The following KCNMA1 variants were observed in gnomAD, a reference collection of about 807,000 sequenced individuals.
KCNMA1 encodes the protein potassium calcium-activated channel subfamily M alpha 1.
KCNMA1 carries 29 observed loss-of-function variants against 140.0 expected under a neutral mutation model. The observed-to-expected ratio is 0.21, with a 90% confidence interval of 0.15 to 0.28. The LOEUF is 0.28. Among genes scored for constraint, KCNMA1 ranks in the 10% least tolerant of loss-of-function variants. The pLI is 1.00. For missense variants in KCNMA1, 880 were observed against 1,602.2 expected, an observed-to-expected ratio of 0.55 and a Z score of 7.70; for synonymous variants, 612 against 611.9, an observed-to-expected ratio of 1.00 and a Z score of 0.00.
Position 76,914,997 on chromosome 10 carries a change from G to A in KCNMA1, c.2955C>T (p.His985=), listed in dbSNP as rs373428657. ...DRSSPDNSPV[H]GMLRQPSITT... is the part of the protein sequence containing the mutation. ...TGATGGATGGTTGACGTAACATCCC[G>A]TGCACTGGGCTGTTATCTGGAGAGG... The change falls in exon 24 of 28, where the codon CAC becomes CAT. Residue 985 remains histidine, a synonymous_variant. Transcript: ENST00000286628. 4.8e-5 allele frequency: 77 copies of A among 1,613,620 alleles called. No homozygotes were observed. The highest frequency in any genetic ancestry group is 6.2e-5 in the Non-Finnish European group (73 of 1,179,622).
At position 77,259,528 on chromosome 10, in the gene KCNMA1, C is replaced by T. The variant is rs77959026; in HGVS notation, c.541-8272G>A. ...AAAATCCTTGACAGAGTCCACAAGG[C>T]CCTGAAAGCTCTGGTCTTTTCCTCC... On this transcript the variant is annotated intron_variant, in intron 2 of 27. Transcript: ENST00000286628. Among the ~76,000 whole-genome samples the T allele has an allele frequency of 7.9e-4, 120 of 152,262 alleles. 1 individual carries two copies. In the East Asian group the frequency reaches 0.019, roughly 23 times the overall value.
At chr10:77,366,478 T>G (rs191400557) in intron 2 of KCNMA1, among the ~76,000 whole-genome samples, 2 of 152,300 alleles carry the variant, frequency 1.3e-5, no homozygotes, top group Admixed American at 1.3e-4. Context: ...CACATGTGCT[T>G]TTTAACATTT....
intron 1 of KCNMA1, among the ~76,000 whole-genome samples, chr10:77,529,253 T>C (rs2056918411): frequency 7.0e-6 from 1 of 143,854 alleles, no homozygotes; most frequent in East Asian, 2.1e-4. Context: ...CCTGCACCAC[T>C]CTGCCTGTGG....
At chr10:77,411,854 C>T (rs376642907) in intron 1 of KCNMA1, among the ~76,000 whole-genome samples, 49 of 152,294 alleles carry the variant, frequency 3.2e-4, no homozygotes, top group African/African-American at 9.9e-4. Context: ...TGGAAATGAG[C>T]GTGGCCAAGC....
intron 1 of KCNMA1, among the ~76,000 whole-genome samples, chr10:77,450,333 G>A (rs567668594): frequency 6.6e-6 from 1 of 152,322 alleles, no homozygotes; most frequent in East Asian, 1.9e-4. Flanking sequence ...TGGGAGTACA[G>A]GCGTGAGCCG....
intron 1 of KCNMA1, among the ~76,000 whole-genome samples, chr10:77,624,963 C>T (rs539838385): frequency 6.6e-6 from 1 of 151,936 alleles, no homozygotes. Context: ...AGAACGCCAC[C>T]GTAAAGAACA....
chr10:77,319,990 A>T (rs11002117), intron 2 of KCNMA1, among the ~76,000 whole-genome samples: 39,714 of 152,192 alleles, frequency 0.26, 6,547 homozygotes, highest in Non-Finnish European at 0.38. Flanking sequence ...AAGCAGAACA[A>T]TTCTGCTTTG....
intron 1 of KCNMA1, among the ~76,000 whole-genome samples, chr10:77,443,631 G>T (rs1054835141): frequency 6.6e-6 from 1 of 152,142 alleles, no homozygotes; most frequent in African/African-American, 2.4e-5. Flanking sequence ...CCACTTCCTA[G>T]CTAGGTCAAC....
intron 1 of KCNMA1, among the ~76,000 whole-genome samples, chr10:77,558,072 G>A (rs911193515): frequency 2.0e-5 from 3 of 152,062 alleles, no homozygotes; most frequent in Non-Finnish European, 4.4e-5. Context: ...TGAACTGAAG[G>A]ATTTGCAAAT....
At chr10:77,572,199 T>C (rs1421453346) in intron 1 of KCNMA1, among the ~76,000 whole-genome samples, 1 of 152,126 alleles carries the variant, frequency 6.6e-6, no homozygotes, top group African/African-American at 2.4e-5. Context: ...TTTTACCCTA[T>C]ACACACATGA....
chr10:76,938,182 G>A (rs1335491262), intron 23 of KCNMA1, among the ~76,000 whole-genome samples: 1 of 152,102 alleles, frequency 6.6e-6, no homozygotes, highest in African/African-American at 2.4e-5. Flanking sequence ...CATGAGCAAT[G>A]GGCCAGATTG....
At chr10:76,901,676 TAGTC>T (rs1355071212) in intron 25 of KCNMA1, 2 of 152,222 alleles carry the variant, frequency 1.3e-5, no homozygotes, top group Admixed American at 1.3e-4. Flanking sequence ...TACAATTTCA[TAGTC>T]AGTCCCAGGG....
At chr10:77,537,929 G>T (rs1490031001) in intron 1 of KCNMA1, among the ~76,000 whole-genome samples, 1 of 151,996 alleles carries the variant, frequency 6.6e-6, no homozygotes, top group East Asian at 1.9e-4. Context: ...TGATGGATGG[G>T]CAGGCTGCTG....
intron 2 of KCNMA1, among the ~76,000 whole-genome samples, chr10:77,372,592 T>A (rs1186693135): frequency 1.3e-5 from 2 of 152,192 alleles, no homozygotes; most frequent in Non-Finnish European, 2.9e-5. Flanking sequence ...TTGGTGCAAT[T>A]GTTTGCCCAC....
chr10:77,569,457 A>T (rs1269884519), intron 1 of KCNMA1, among the ~76,000 whole-genome samples: 1 of 140,582 alleles, frequency 7.1e-6, no homozygotes, highest in Non-Finnish European at 1.6e-5. Flanking sequence ...CTGATCTTTG[A>T]CAAACCTGAC....
At chr10:76,896,244 A>T (rs529871506) in intron 25 of KCNMA1, among the ~76,000 whole-genome samples, 69 of 152,300 alleles carry the variant, frequency 4.5e-4, no homozygotes, top group Admixed American at 1.9e-3. Flanking sequence ...GTTGTTAATT[A>T]TTAATATTCC....
At chr10:77,559,097 T>C (rs2670108) in intron 1 of KCNMA1, among the ~76,000 whole-genome samples, 138,647 of 152,196 alleles carry the variant, frequency 0.91, 63,290 homozygotes, top group Middle Eastern at 0.97. Flanking sequence ...CATGTGGTTG[T>C]GTTCAGACAT....
intron 14 of KCNMA1, among the ~76,000 whole-genome samples, chr10:77,042,748 T>C (rs1426081983): frequency 6.6e-6 from 1 of 152,206 alleles, no homozygotes; most frequent in Admixed American, 6.5e-5. Context: ...AATTTTATTG[T>C]AGGTGAATCA....
intron 1 of KCNMA1, among the ~76,000 whole-genome samples, chr10:77,617,610 G>A (rs1332500916): frequency 8.5e-5 from 13 of 152,242 alleles, no homozygotes; most frequent in African/African-American, 3.1e-4. Context: ...GAAAACCCTG[G>A]GTTCTAATGC....
Sources: allele counts gnomAD v4.1 joint callset (sites outside exome capture counted in the v4.1 genomes callset), GRCh38; gene constraint gnomAD v4.1.1; transcripts MANE v1.5; gene names NCBI Gene and HGNC (gene_info 2026-07-23, HGNC 2026-07-21).